The following CNTN4 variants were observed in gnomAD, a reference collection of about 807,000 sequenced individuals.
CNTN4 encodes the protein contactin-4.
In CNTN4, 77 loss-of-function variants were observed where a neutral mutation model predicts 122.5. The ratio of observed to expected loss-of-function variants is 0.63; its 90% CI spans 0.52 to 0.76. The LOEUF is 0.76. Among genes scored for constraint, CNTN4 ranks in the 30% least tolerant of loss-of-function variants. The pLI is 0.00. For missense variants in CNTN4, 1,256 were observed against 1,259.1 expected, an observed-to-expected ratio of 1.00 and a Z score of 0.04; for synonymous variants, 512 against 447.0, an observed-to-expected ratio of 1.15 and a Z score of -1.83.
chr3:2,752,679 C>G (rs1425274955), intron 6 of CNTN4, among the ~76,000 whole-genome samples: 3 of 152,144 alleles, frequency 2.0e-5, no homozygotes, highest in Admixed American at 2.0e-4. Flanking sequence ...TGTAGTCACC[C>G]TGTGGTACTA....
Position 2,247,536 on chromosome 3 carries a change from T to A in CNTN4, c.-144-91642T>A, listed in dbSNP as rs1441915345. 2.0e-5 allele frequency among the ~76,000 whole-genome samples: 3 copies of A among 152,068 alleles called. No homozygotes were observed. The East Asian group carries it at 5.8e-4, about 29-fold the overall frequency. ...AGGGAAAATTGCTATTTTTCTACTT[T>A]GGCTGATGTTGTAGTTCTAGATTTG... On this transcript the variant is annotated intron_variant, in intron 2 of 24. Transcript: ENST00000418658.
chr3:2,793,249 C>A (rs2092069079), intron 6 of CNTN4, among the ~76,000 whole-genome samples: 1 of 151,962 alleles, frequency 6.6e-6, no homozygotes, highest in Non-Finnish European at 1.5e-5. Context: ...GCTTGTTTCT[C>A]CAAAGCTATA....
intron 4 of CNTN4, among the ~76,000 whole-genome samples, chr3:2,645,959 T>G (rs1453430037): frequency 2.6e-5 from 4 of 152,260 alleles, no homozygotes; most frequent in Non-Finnish European, 5.9e-5. Flanking sequence ...CAACTATTGT[T>G]GTTTAACACA....
Position 3,034,782 on chromosome 3 carries a change from T to C in CNTN4, c.1934T>C (p.Val645Ala), listed in dbSNP as rs1699457765. 3 of 1,613,894 alleles carry C rather than the reference T, an allele frequency of 1.9e-6. No individual in the cohort carries two copies. The South Asian group carries it at 3.3e-5, about 18-fold the overall frequency. ...CCATTCTCCGTGGGCTGGCAAGCAG[T>C]CAGTACAGGTACCATATTGGATGCT... is the stretch of plus-strand genomic sequence containing the variant. ...RTPFSVGWQAVSTVPELIDGK... is the reference protein window; with the variant it reads ...RTPFSVGWQAASTVPELIDGK... The change falls in exon 17 of 25, where the codon GTC becomes GCC. Residue 645 changes from valine to alanine, a missense_variant. Physicochemically the swap from Val to Ala is moderately conservative, Grantham distance 64. Transcript: ENST00000418658.
At chr3:2,303,642 C>G (rs2042602692) in intron 2 of CNTN4, among the ~76,000 whole-genome samples, 1 of 152,134 alleles carries the variant, frequency 6.6e-6, no homozygotes, top group Admixed American at 6.5e-5. Flanking sequence ...TGTTATCTGT[C>G]TTTCTCATGA....
At chr3:2,765,891 A>C (rs2090836051) in intron 6 of CNTN4, among the ~76,000 whole-genome samples, 1 of 152,216 alleles carries the variant, frequency 6.6e-6, no homozygotes, top group African/African-American at 2.4e-5. Flanking sequence ...ACACACAGAA[A>C]CTAACATTGT....
chr3:2,471,447 GATAGC>G (rs1208204253), intron 3 of CNTN4, among the ~76,000 whole-genome samples: 1 of 152,204 alleles, frequency 6.6e-6, no homozygotes, highest in Non-Finnish European at 1.5e-5. Flanking sequence ...TCCCTAAAAT[GATAGC>G]ATGTTCTAGA....
intron 4 of CNTN4, among the ~76,000 whole-genome samples, chr3:2,725,276 T>C (rs1228161397): frequency 6.6e-6 from 1 of 152,120 alleles, no homozygotes; most frequent in Non-Finnish European, 1.5e-5. Flanking sequence ...TGATTGTAGA[T>C]CACCTGCATC....
chr3:2,490,351 A>G (rs776712093), intron 3 of CNTN4, among the ~76,000 whole-genome samples: 3 of 152,182 alleles, frequency 2.0e-5, no homozygotes, highest in Non-Finnish European at 4.4e-5. Flanking sequence ...GTCTCCAACT[A>G]TGCTCAGCTG....
At chr3:2,790,735 A>G (rs1410960510) in intron 6 of CNTN4, among the ~76,000 whole-genome samples, 3 of 152,224 alleles carry the variant, frequency 2.0e-5, no homozygotes, top group Non-Finnish European at 4.4e-5. Flanking sequence ...AAAGCAGTTC[A>G]GAGGATGACC....
intron 13 of CNTN4, among the ~76,000 whole-genome samples, chr3:2,933,488 A>T (rs1300442055): frequency 2.0e-5 from 3 of 152,188 alleles, no homozygotes; most frequent in African/African-American, 7.2e-5. Flanking sequence ...AATTACAGCT[A>T]TCGGTCTGGG....
chr3:2,212,358 G>T (rs1336424756), intron 2 of CNTN4, among the ~76,000 whole-genome samples: 2 of 152,118 alleles, frequency 1.3e-5, no homozygotes, highest in Non-Finnish European at 2.9e-5. Context: ...AAAGACATAC[G>T]CAAGACTGGG....
At chr3:2,962,796 T>C (rs2094875115) in intron 13 of CNTN4, among the ~76,000 whole-genome samples, 1 of 152,260 alleles carries the variant, frequency 6.6e-6, no homozygotes, top group African/African-American at 2.4e-5. Flanking sequence ...AAATGGATAC[T>C]GAGTAGGCGA....
chr3:2,706,007 AAT>A (rs1381360557), intron 4 of CNTN4, among the ~76,000 whole-genome samples: 1 of 139,906 alleles, frequency 7.1e-6, no homozygotes, highest in African/African-American at 2.6e-5. Flanking sequence ...TATAAAAATA[AAT>A]ATATATAAAT....
intron 3 of CNTN4, among the ~76,000 whole-genome samples, chr3:2,489,169 T>C (rs193188973): frequency 9.8e-5 from 15 of 152,350 alleles, no homozygotes; most frequent in African/African-American, 3.6e-4. Context: ...CGGGAACTTA[T>C]GCCAGTCCTG....
At chr3:2,618,958 T>C (rs934858647) in intron 4 of CNTN4, among the ~76,000 whole-genome samples, 4 of 152,192 alleles carry the variant, frequency 2.6e-5, no homozygotes, top group Non-Finnish European at 5.9e-5. Context: ...TGGGAAATTA[T>C]TTAGGCTCAC....
intron 6 of CNTN4, among the ~76,000 whole-genome samples, chr3:2,810,656 G>T (rs1362638030): frequency 6.6e-6 from 1 of 151,924 alleles, no homozygotes; most frequent in Non-Finnish European, 1.5e-5. Flanking sequence ...TTCTTCTTTG[G>T]TTATTCAAAA....
intron 2 of CNTN4, among the ~76,000 whole-genome samples, chr3:2,123,483 C>A (rs1047613178): frequency 1.3e-5 from 2 of 152,108 alleles, no homozygotes; most frequent in African/African-American, 4.8e-5. Context: ...GGGTCCTTTC[C>A]TTTGGTTGGT....
intron 4 of CNTN4, among the ~76,000 whole-genome samples, chr3:2,610,223 T>G (rs1341912821): frequency 1.3e-5 from 2 of 152,218 alleles, no homozygotes; most frequent in African/African-American, 4.8e-5. Flanking sequence ...GGAAGTTTGC[T>G]CACTTCCATT....
Sources: gnomAD v4.1 joint callset for allele counts (sites outside exome capture counted in the v4.1 genomes callset) on GRCh38, gnomAD v4.1.1 for gene constraint, MANE v1.5 for transcripts, NCBI Gene and HGNC (gene_info 2026-07-23, HGNC 2026-07-21) for gene names.